AQP9: variants seen among roughly 807,000 people sequenced by gnomAD.
The protein encoded by AQP9 is aquaporin 9, also known as aquaporin-9.
AQP9 carries 19 observed loss-of-function variants against 23.8 expected under a neutral mutation model. The ratio of observed to expected loss-of-function variants is 0.80; its 90% CI spans 0.56 to 1.17. AQP9 has a LOEUF of 1.17. Among genes scored for constraint, AQP9 ranks in the 50% most tolerant of loss-of-function variants. The pLI, the probability that AQP9 is intolerant of heterozygous loss-of-function variation, is 0.00. For missense variants in AQP9, 413 were observed against 362.0 expected, an observed-to-expected ratio of 1.14 and a Z score of -1.14; for synonymous variants, 153 against 131.5, an observed-to-expected ratio of 1.16 and a Z score of -1.12.
At chr15:58,174,515 A>G (rs1353051364) in intron 3 of AQP9, among the ~76,000 whole-genome samples, 1 of 152,060 alleles carries the variant, frequency 6.6e-6, no homozygotes, top group Non-Finnish European at 1.5e-5. Context: ...ATACTGCAAC[A>G]CCCTCAAATT....
intron 1 of AQP9, among the ~76,000 whole-genome samples, chr15:58,166,422 TG>T (rs1566987128): frequency 2.0e-5 from 3 of 152,270 alleles, no homozygotes; most frequent in African/African-American, 7.2e-5. Context: ...TGAAATGTCC[TG>T]ATTTATAAAT....
chr15:58,174,842 T>C, intron 3 of AQP9, 76 bp from the exon 4 acceptor site: 3 of 1,243,320 alleles, frequency 2.4e-6, no homozygotes, highest in South Asian at 2.4e-5. Flanking sequence ...ACTGGTTGTT[T>C]AGCACAAGGC....
At chr15:58,148,234 G>A (rs1898084172) in intron 1 of AQP9, among the ~76,000 whole-genome samples, 1 of 152,206 alleles carries the variant, frequency 6.6e-6, no homozygotes, top group South Asian at 2.1e-4. Context: ...AATACATGTG[G>A]TCCTTCCCAA....
chr15:58,141,087 G>C (rs1017868095), intron 1 of AQP9, among the ~76,000 whole-genome samples: 1 of 152,212 alleles, frequency 6.6e-6, no homozygotes. Context: ...TAGTCATTGG[G>C]ATACGTAGGC....
intron 4 of AQP9, among the ~76,000 whole-genome samples, chr15:58,178,334 T>G (rs1474712917): frequency 6.6e-6 from 1 of 152,230 alleles, no homozygotes; most frequent in African/African-American, 2.4e-5. Flanking sequence ...TAGTTTTTAA[T>G]GGCTATACAG....
At chr15:58,159,481 T>A (rs1193425210) in intron 1 of AQP9, among the ~76,000 whole-genome samples, 1 of 152,194 alleles carries the variant, frequency 6.6e-6, no homozygotes, top group Non-Finnish European at 1.5e-5. Context: ...GGTGATCCAT[T>A]GCCTTAAATA....
chr15:58,184,539 G>A lies in AQP9; in HGVS notation c.*404G>A, dbSNP rs113222981. 0.019 allele frequency: 3,077 copies of A among 159,300 alleles called. 62 individuals are homozygous for A. Among genetic ancestry groups the A allele is most frequent in the Middle Eastern group, 0.047 (15 of 316 alleles). 9.9% of individuals were successfully genotyped at this position (159,300 alleles called of 1,614,324 possible). ...TCAGTATCGACAAAGATTACATTCT[G>A]AGTACCAACCAAACCCTAAATTGAA... On this transcript the variant is annotated 3_prime_UTR_variant, in exon 6 of 6. Transcript: ENST00000219919.
intron 1 of AQP9, chr15:58,155,879 C>A (rs1463263957): frequency 6.6e-6 from 1 of 152,128 alleles, no homozygotes; most frequent in South Asian, 2.1e-4. Context: ...TATTTCTATA[C>A]CTCACATGTC....
intron 1 of AQP9, among the ~76,000 whole-genome samples, chr15:58,164,549 T>C (rs1269459557): frequency 2.0e-5 from 3 of 152,174 alleles, no homozygotes; most frequent in African/African-American, 7.2e-5. Flanking sequence ...GAAAAAATAA[T>C]GTCAAGTCTA....
intron 2 of AQP9, among the ~76,000 whole-genome samples, chr15:58,167,696 A>G (rs542808265): frequency 2.0e-5 from 3 of 152,076 alleles, no homozygotes; most frequent in South Asian, 4.2e-4. Flanking sequence ...TGAAGCTCAC[A>G]TCCTCATTTT....
intron 1 of AQP9, among the ~76,000 whole-genome samples, chr15:58,141,523 G>T (rs1244213344): frequency 6.6e-6 from 1 of 152,190 alleles, no homozygotes. Flanking sequence ...TTTACCTTCA[G>T]TGCCCTGAAG....
chr15:58,173,732 C>G (rs1381556669), intron 3 of AQP9, among the ~76,000 whole-genome samples: 1 of 152,188 alleles, frequency 6.6e-6, no homozygotes, highest in Non-Finnish European at 1.5e-5. Context: ...GACTTTAGCT[C>G]TAGCTGTTCA....
At chr15:58,156,434 G>T (rs752921577) in intron 1 of AQP9, among the ~76,000 whole-genome samples, 2 of 151,964 alleles carry the variant, frequency 1.3e-5, no homozygotes, top group African/African-American at 4.8e-5. Context: ...CACATTCACC[G>T]TATCAACTGT....
intron 3 of AQP9, among the ~76,000 whole-genome samples, chr15:58,173,893 C>A (rs1166486967): frequency 2.6e-5 from 4 of 152,142 alleles, no homozygotes; most frequent in African/African-American, 9.7e-5. Context: ...TAAAGCAGCT[C>A]CTTCCTTCTA....
At chr15:58,158,496 T>C (rs1362770328) in intron 1 of AQP9, among the ~76,000 whole-genome samples, 2 of 152,216 alleles carry the variant, frequency 1.3e-5, no homozygotes, top group Non-Finnish European at 2.9e-5. Context: ...GGGATAGTGA[T>C]AAGGGAATAC....
chr15:58,163,141 A>G (rs867060209), intron 1 of AQP9, among the ~76,000 whole-genome samples: 6 of 152,328 alleles, frequency 3.9e-5, no homozygotes, highest in Non-Finnish European at 7.3e-5. Context: ...GAGAACATGA[A>G]TAAAAGATTA....
At position 58,175,106 on chromosome 15, in the gene AQP9, G is replaced by T. The variant is rs1898718115; in HGVS notation, c.495+70G>T. ...GCTCTCATAAGGGGAATGCATTGGA[G>T]AATTAGAGACCAATCAGAAAGGAGA... On this transcript the variant is annotated intron_variant, in intron 4 of 5. Coordinates refer to ENST00000219919, the MANE Select transcript of AQP9 (RefSeq NM_020980.5). The T allele has an allele frequency of 1.1e-5, 15 of 1,327,040 alleles. No individual in the cohort carries two copies. In the South Asian group the frequency reaches 1.7e-4, roughly 15 times the overall value. The allele number at this position is 1,327,040 out of a possible 1,614,324, so 82.2% of individuals were successfully genotyped here.
chr15:58,167,882 C>A (rs1024058066), intron 2 of AQP9, among the ~76,000 whole-genome samples: 5 of 152,124 alleles, frequency 3.3e-5, no homozygotes. Flanking sequence ...ACTGCCACAC[C>A]TGGCTAATTA....
intron 1 of AQP9, among the ~76,000 whole-genome samples, chr15:58,147,631 G>A (rs2140589230): frequency 6.6e-6 from 1 of 152,260 alleles, no homozygotes; most frequent in African/African-American, 2.4e-5. Context: ...TAAACGACTT[G>A]AAGGCTTAGT....
Sources: allele counts gnomAD v4.1 joint callset (sites outside exome capture counted in the v4.1 genomes callset), GRCh38; gene constraint gnomAD v4.1.1; transcripts MANE v1.5; gene names NCBI Gene and HGNC (gene_info 2026-07-23, HGNC 2026-07-21).